YWHAH: variants seen among roughly 807,000 people sequenced by gnomAD.
YWHAH encodes the protein tyrosine 3-monooxygenase/tryptophan 5-monooxygenase activation protein eta, also known as 14-3-3 protein eta.
Under a neutral mutation model 22.9 loss-of-function variants are expected in YWHAH, and 6 were observed. The ratio of observed to expected loss-of-function variants is 0.26; its 90% CI spans 0.14 to 0.52. The LOEUF is 0.52. YWHAH is among the 20% of genes least tolerant of loss of function. YWHAH has a pLI of 0.97. For synonymous variants in YWHAH, 135 were observed against 124.5 expected, an observed-to-expected ratio of 1.08 and a Z score of -0.56; for missense variants, 173 against 308.6, an observed-to-expected ratio of 0.56 and a Z score of 3.29.
intron 1 of YWHAH, among the ~76,000 whole-genome samples, chr22:31,946,773 C>T (rs2093835422): frequency 6.6e-6 from 1 of 152,160 alleles, no homozygotes; most frequent in Non-Finnish European, 1.5e-5. Context: ...AAATGCTTTC[C>T]TGCAGCAAGC....
rs879636420 is a variant in YWHAH, at chr22:31,944,574, G to C, written c.-160G>C. 3.0e-6 allele frequency: 1 copy of C among 331,982 alleles called. No individual in the cohort carries two copies. The highest frequency in any genetic ancestry group is 2.4e-5 in the African/African-American group (1 of 42,362). The allele number at this position is 331,982 out of a possible 1,614,324, so 20.6% of individuals were successfully genotyped here. A position where few individuals can be genotyped will look rare whatever the true frequency, so the allele number is the denominator to read the frequency against. On this transcript the variant is annotated 5_prime_UTR_variant, in exon 1 of 2. Transcript: ENST00000248975. ...GAGCCAGCGAGAGGGCGCGAGCGGC[G>C]GCGCTGCCTGCAGCCTGCAGCCTGC...
intron 1 of YWHAH, among the ~76,000 whole-genome samples, chr22:31,955,285 C>G (rs1319666414): frequency 6.6e-6 from 1 of 152,170 alleles, no homozygotes; most frequent in South Asian, 2.1e-4. Context: ...GATGTTCCAT[C>G]TGATCTGTGA....
chr22:31,947,955 A>G (rs2149466770), intron 1 of YWHAH, among the ~76,000 whole-genome samples: 1 of 152,374 alleles, frequency 6.6e-6, no homozygotes, highest in African/African-American at 2.4e-5. Flanking sequence ...TATCAAATGT[A>G]AAAATTACTG....
intron 1 of YWHAH, among the ~76,000 whole-genome samples, chr22:31,946,289 G>A (rs532509278): frequency 1.3e-5 from 2 of 152,254 alleles, no homozygotes; most frequent in East Asian, 3.9e-4. Context: ...AATTCAGGGG[G>A]TCCTTTAAAA....
chr22:31,956,252 G>A lies in YWHAH; in HGVS notation c.201G>A (p.Glu67=), dbSNP rs2093849462. 1 of 1,614,154 alleles carries A rather than the reference G, an allele frequency of 6.2e-7. No homozygotes were observed. Among genetic ancestry groups the A allele is most frequent in the African/African-American group, 1.3e-5 (1 of 75,022 alleles). The change falls in exon 2 of 2, where the codon GAG becomes GAA. Residue 67 remains glutamate (E), a synonymous_variant. Coordinates refer to ENST00000248975, the MANE Select transcript of YWHAH (RefSeq NM_003405.4). The surrounding 1 kb of genome is among the most constrained non-coding windows in gnomAD (Gnocchi z 5.1). ...CCTGGAGGGTCATTAGCAGCATTGA[G>A]CAGAAAACCATGGCTGATGGAAACG... ...RSSWRVISSI[E]QKTMADGNEK... is the part of the protein sequence containing the mutation.
intron 1 of YWHAH, among the ~76,000 whole-genome samples, chr22:31,947,866 T>C (rs1362450250): frequency 1.3e-4 from 20 of 152,216 alleles, no homozygotes. Flanking sequence ...TGGATATTCA[T>C]AGACAGACAT....
At chr22:31,945,860 TCA>T (rs2093833684) in intron 1 of YWHAH, among the ~76,000 whole-genome samples, 1 of 152,150 alleles carries the variant, frequency 6.6e-6, no homozygotes, top group Non-Finnish European at 1.5e-5. Flanking sequence ...TAACCAGCTC[TCA>T]CAGGCGATTT....
At chr22:31,945,059 CCCGGAAGGGGGGCGGGCCGGTCGGGGTCG>C in intron 1 of YWHAH, 1 of 1,109,386 alleles carries the variant, frequency 9.0e-7, no homozygotes, top group Non-Finnish European at 1.1e-6. Context: ...CGAAGGCAGC[CCCGGAAGGGGGGCGGGCCGGTCGGGGTCG>C]CCACATCTTA....
intron 1 of YWHAH, among the ~76,000 whole-genome samples, chr22:31,951,869 A>C (rs993276190): frequency 1.3e-5 from 2 of 152,162 alleles, no homozygotes; most frequent in Non-Finnish European, 2.9e-5. Context: ...GCCTTTGTGC[A>C]TGGGAAGAGC....
intron 1 of YWHAH, among the ~76,000 whole-genome samples, chr22:31,954,266 T>C (rs922912541): frequency 6.6e-6 from 1 of 152,236 alleles, no homozygotes; most frequent in South Asian, 2.1e-4. Flanking sequence ...GCTTTCTTTT[T>C]TTTCATTATT....
At chr22:31,945,391 G>C (rs2093832512) in intron 1 of YWHAH, 1 of 1,297,798 alleles carries the variant, frequency 7.7e-7, no homozygotes, top group Non-Finnish European at 1.0e-6. Flanking sequence ...TGCAGTCTAG[G>C]CGTGGACGGG....
chr22:31,950,302 C>T (rs2093841480), intron 1 of YWHAH: 1 of 779,222 alleles, frequency 1.3e-6, no homozygotes. Context: ...AAATTTCTGT[C>T]TCTAGGTTGC....
rs1421805305 is a variant in YWHAH, at chr22:31,944,914, G to GGGCGACCC, written c.87+106_87+113dup. ...GCGGGCGCGTTCCCCTCCCGGCCAT[G>GGGCGACCC]GGCGACCCGGCGACCCGGCTGGGCG... On this transcript the variant is annotated intron_variant, in intron 1 of 1. Coordinates refer to ENST00000248975, the MANE Select transcript of YWHAH (RefSeq NM_003405.4). The GGGCGACCC allele has an allele frequency of 1.9e-5, 22 of 1,151,950 alleles. No homozygotes were observed. In the African/African-American group the frequency reaches 2.9e-4, roughly 15 times the overall value. The allele number at this position is 1,151,950 out of a possible 1,614,324, so 71.4% of individuals were successfully genotyped here.
At chr22:31,947,487 T>C (rs866779640) in intron 1 of YWHAH, 9 of 471,440 alleles carry the variant, frequency 1.9e-5, no homozygotes, top group African/African-American at 1.6e-4. Flanking sequence ...ACAGTGTTGG[T>C]AAGCTTGAAG....
chr22:31,944,834 G>A lies in YWHAH; in HGVS notation c.87+14G>A, dbSNP rs1392634752. The A allele has an allele frequency of 2.7e-5, 37 of 1,361,936 alleles. No homozygotes were observed. Among genetic ancestry groups the A allele is most frequent in the East Asian group, 3.4e-5 (1 of 29,352 alleles). 84.4% of individuals were successfully genotyped at this position (1,361,936 alleles called of 1,614,324 possible). On this transcript the variant is annotated intron_variant, in intron 1 of 1. Transcript: ENST00000248975. ...GCTATGAAGGCGGTGAGCGCGCCGGGAGCCCGGGCGGCTGGCCGGGGGGGG... is the reference window on the plus strand; with the variant it reads ...GCTATGAAGGCGGTGAGCGCGCCGGAAGCCCGGGCGGCTGGCCGGGGGGGG...
At chr22:31,945,027 G>A in intron 1 of YWHAH, 2 of 1,113,512 alleles carry the variant, frequency 1.8e-6, no homozygotes, top group South Asian at 4.3e-5. Context: ...TGGGGGATCC[G>A]GGAGGGTGCA....
intron 1 of YWHAH, among the ~76,000 whole-genome samples, chr22:31,949,943 T>C (rs964482001): frequency 6.8e-6 from 1 of 148,036 alleles, no homozygotes; most frequent in Non-Finnish European, 1.5e-5. Context: ...ATTTTATCTG[T>C]TGGGTGCAAG....
Position 31,944,634 on chromosome 22 carries a change from G to C in YWHAH, c.-100G>C. 1 of 944,806 alleles carries C rather than the reference G, an allele frequency of 1.1e-6. No homozygotes were observed. The highest frequency in any genetic ancestry group is 4.4e-5 in the East Asian group (1 of 22,742). The allele number at this position is 944,806 out of a possible 1,614,324, so 58.5% of individuals were successfully genotyped here. A position where few individuals can be genotyped will look rare whatever the true frequency, so the allele number is the denominator to read the frequency against. On this transcript the variant is annotated 5_prime_UTR_variant, in exon 1 of 2. Coordinates refer to ENST00000248975, the MANE Select transcript of YWHAH (RefSeq NM_003405.4). Reference sequence around the variant, plus strand: ...CCGGCCGGCGAGCCAGTGCGCGTGCGCGGCGGCGGCCTCCGCAGCGACCGG... The same window carrying C: ...CCGGCCGGCGAGCCAGTGCGCGTGCCCGGCGGCGGCCTCCGCAGCGACCGG...
At chr22:31,947,202 G>T (rs568572769) in intron 1 of YWHAH, among the ~76,000 whole-genome samples, 45 of 152,296 alleles carry the variant, frequency 3.0e-4, no homozygotes, top group African/African-American at 1.1e-3. Flanking sequence ...CAGGGCTGGG[G>T]AAGGGCAGGT....
Sources: gnomAD v4.1 joint callset for allele counts (sites outside exome capture counted in the v4.1 genomes callset) on GRCh38, gnomAD v4.1.1 for gene constraint, Gnocchi (gnomAD v3.1) non-coding constraint, MANE v1.5 for transcripts, NCBI Gene and HGNC (gene_info 2026-07-23, HGNC 2026-07-21) for gene names.